PCNP: variants seen among roughly 807,000 people sequenced by gnomAD.
The protein encoded by PCNP is PEST proteolytic signal containing nuclear protein.
A neutral mutation model predicts 21.8 loss-of-function variants in PCNP; 6 were observed. The observed-to-expected ratio is 0.28, with a 90% CI of 0.15 to 0.54. The LOEUF (loss-of-function observed/expected upper bound fraction) is 0.54. PCNP is among the 20% of genes least tolerant of loss of function. The pLI is 0.95. For synonymous variants in PCNP, 67 were observed against 73.2 expected, an observed-to-expected ratio of 0.92 and a Z score of 0.43; for missense variants, 161 against 215.5, an observed-to-expected ratio of 0.75 and a Z score of 1.58.
intron 3 of PCNP, among the ~76,000 whole-genome samples, chr3:101,586,545 C>CGTGT (rs377617517): frequency 0.016 from 1,627 of 99,808 alleles, 42 homozygotes; most frequent in African/African-American, 0.043. Context: ...GGCGTATATT[C>CGTGT]GTGTGTGTGT....
At chr3:101,587,250 C>CAAAAAAAA (rs34295234) in intron 3 of PCNP, among the ~76,000 whole-genome samples, 1 of 123,402 alleles carries the variant, frequency 8.1e-6, no homozygotes, top group Non-Finnish European at 1.8e-5. Flanking sequence ...AACTCTGTCT[C>CAAAAAAAA]AAAAAAAAAA....
intron 4 of PCNP, 24 bp from the exon 5 acceptor site, chr3:101,592,603 T>TA (rs765363980): frequency 5.7e-6 from 9 of 1,569,164 alleles, no homozygotes; most frequent in Non-Finnish European, 7.8e-6. Flanking sequence ...ACATTTTAAA[T>TA]AAATTTTCTT....
upstream of PCNP, chr3:101,574,112 C>T: frequency 6.9e-7 from 1 of 1,445,514 alleles, no homozygotes; most frequent in Non-Finnish European, 9.2e-7. Flanking sequence ...TCCTCGGGAC[C>T]GCTCTAGGCT....
chr3:101,583,074 T>G (rs1935310197), intron 2 of PCNP, among the ~76,000 whole-genome samples: 1 of 152,200 alleles, frequency 6.6e-6, no homozygotes, highest in Non-Finnish European at 1.5e-5. Context: ...ATGCCTATAA[T>G]TCCAGCACTT....
chr3:101,590,026 G>A (rs1935725241), intron 3 of PCNP, 189 bp from the exon 4 acceptor site: 3 of 544,758 alleles, frequency 5.5e-6, no homozygotes, highest in Admixed American at 3.5e-5. Flanking sequence ...TGCAAAATCA[G>A]CACCGTAGAA....
In PCNP at chr3:101,590,221, C is replaced by A. The variant is rs1302556878; in HGVS notation, c.361C>A (p.Pro121Thr). 1.3e-6 allele frequency: 2 copies of A among 1,559,676 alleles called. No individual in the cohort carries two copies. Among genetic ancestry groups the A allele is most frequent in the African/African-American group, 1.4e-5 (1 of 73,730 alleles). ...AAFNEDEDSE[P>T]EEMPPEAKMR... ...TACTTACTTTTTTCTTTAGAGTGAA[C>A]CAGAGGAAATGCCTCCAGAAGCAAA... is the stretch of plus-strand genomic sequence containing the variant. Residue 121 changes from proline to threonine, a missense_variant, in exon 4 of 5, where the codon CCA becomes ACA. By Grantham distance (38) the Pro-to-Thr change is conservative (BLOSUM62 -1). Transcript: ENST00000265260.
rs548811548 is a variant in PCNP, at chr3:101,576,999, G to A, written c.64+2720G>A. On this transcript the variant is annotated intron_variant, in intron 1 of 4. Transcript: ENST00000265260. ...GGCCTCCTGTGGAGGAGCAATTTTT[G>A]TATTTTTAGTAGAGACGAGATTTCA... The A allele has an allele frequency of 1.7e-5, 14 of 845,770 alleles. No individual in the cohort carries two copies. In the African/African-American group the frequency reaches 2.3e-4, roughly 14 times the overall value. The allele number at this position is 845,770 out of a possible 1,614,324, so 52.4% of individuals were successfully genotyped here.
chr3:101,590,188 T>A (rs1178331769), intron 3 of PCNP, 27 bp from the exon 4 acceptor site: 1 of 1,334,542 alleles, frequency 7.5e-7, no homozygotes, highest in Non-Finnish European at 1.1e-6. Flanking sequence ...TATGCAGTTA[T>A]CTTGGTTTAC....
At chr3:101,582,015 C>T (rs1479934332) in intron 2 of PCNP, among the ~76,000 whole-genome samples, 1 of 151,336 alleles carries the variant, frequency 6.6e-6, no homozygotes, top group Non-Finnish European at 1.5e-5. Context: ...GCTGGGATTA[C>T]AGGTGTGAGC....
At chr3:101,584,290 G>A (rs1935379220) in intron 2 of PCNP, among the ~76,000 whole-genome samples, 1 of 152,116 alleles carries the variant, frequency 6.6e-6, no homozygotes, top group Non-Finnish European at 1.5e-5. Context: ...CAAAATTCTG[G>A]TTGTCTGCTA....
At chr3:101,589,042 TG>T (rs1182448101) in intron 3 of PCNP, among the ~76,000 whole-genome samples, 2 of 152,358 alleles carry the variant, frequency 1.3e-5, no homozygotes, top group East Asian at 3.9e-4. Context: ...TAACATCTGT[TG>T]ATAATTCTTG....
At chr3:101,576,650 C>T (rs373173863) in intron 1 of PCNP, 1 of 1,611,820 alleles carries the variant, frequency 6.2e-7, no homozygotes. Context: ...AGACCATTGG[C>T]TAGGACCTGG....
At chr3:101,588,961 A>T (rs1336182938) in intron 3 of PCNP, among the ~76,000 whole-genome samples, 2 of 152,214 alleles carry the variant, frequency 1.3e-5, no homozygotes, top group African/African-American at 4.8e-5. Flanking sequence ...TGTAATTAAA[A>T]TTTATTTTGT....
In PCNP at chr3:101,583,695, T is replaced by TG. The variant is rs201532673; in HGVS notation, c.280-1740dup. Among the ~76,000 whole-genome samples the TG allele has an allele frequency of 9.7e-3, 1,472 of 152,226 alleles. 9 individuals carry two copies. Among genetic ancestry groups the TG allele is most frequent in the Middle Eastern group, 0.037 (11 of 294 alleles). On this transcript the variant is annotated intron_variant, in intron 2 of 4. Transcript: ENST00000265260. Reference sequence around the variant, plus strand: ...CAGAGACTCACTCTGTCACCCAGGCTGGAGTACAAAGGTGTGATCTTGGCT... The same window carrying TG: ...CAGAGACTCACTCTGTCACCCAGGCTGGGAGTACAAAGGTGTGATCTTGGCT...
chr3:101,586,910 T>G (rs1323356039), intron 3 of PCNP, among the ~76,000 whole-genome samples: 1 of 152,102 alleles, frequency 6.6e-6, no homozygotes, highest in African/African-American at 2.4e-5. Flanking sequence ...TTGGGAAGAA[T>G]ATATATGAAG....
intron 3 of PCNP, among the ~76,000 whole-genome samples, chr3:101,589,446 T>A (rs2108291050): frequency 6.7e-6 from 1 of 150,338 alleles, no homozygotes; most frequent in South Asian, 2.1e-4. Context: ...GTTTCACTCA[T>A]GTCACCCAGG....
At chr3:101,581,537 G>A (rs560630130) in intron 2 of PCNP, among the ~76,000 whole-genome samples, 21 of 152,086 alleles carry the variant, frequency 1.4e-4, no homozygotes, top group African/African-American at 5.1e-4. Flanking sequence ...GGGTTCAGGC[G>A]ATTCTCCTGC....
rs1343656667 is a variant in PCNP at position 101,594,085 on chromosome 3, T to G, written c.*1332T>G. The G allele has an allele frequency of 6.6e-6, 1 of 152,478 alleles. No homozygotes were observed. Among genetic ancestry groups the G allele is most frequent in the East Asian group, 1.9e-4 (1 of 5,206 alleles). 9.4% of individuals were successfully genotyped at this position (152,478 alleles called of 1,614,324 possible). A position where few individuals can be genotyped will look rare whatever the true frequency, so the allele number is the denominator to read the frequency against. On this transcript the variant is annotated 3_prime_UTR_variant, in exon 5 of 5. Transcript: ENST00000265260. ...TTCAGACTGTTTTATTGGTGGTAGC[T>G]GCTTGCTGAGGTCTTTTAGTTGGTA...
chr3:101,587,760 C>G (rs944421024), intron 3 of PCNP, among the ~76,000 whole-genome samples: 2 of 151,832 alleles, frequency 1.3e-5, no homozygotes, highest in South Asian at 2.1e-4. Flanking sequence ...CTTAAGAAAT[C>G]AGGTACCATT....
Sources: allele counts gnomAD v4.1 joint callset (sites outside exome capture counted in the v4.1 genomes callset), GRCh38; gene constraint gnomAD v4.1.1; transcripts MANE v1.5; gene names NCBI Gene and HGNC (gene_info 2026-07-23, HGNC 2026-07-21).